Variants in ORC5 observed in about 807,000 individuals in gnomAD.
ORC5 encodes origin recognition complex subunit 5, also known as protein phosphatase 1, regulatory subunit 117.
A neutral mutation model predicts 58.8 loss-of-function variants in ORC5; 39 were observed. The ratio of observed to expected loss-of-function variants is 0.66; its 90% CI spans 0.51 to 0.87. ORC5 has a LOEUF of 0.87. Ranked by LOEUF, ORC5 falls within the 40% of genes least tolerant of loss-of-function variation. The pLI is 0.00. For synonymous variants in ORC5, 218 were observed against 177.6 expected, an observed-to-expected ratio of 1.23 and a Z score of -1.81; for missense variants, 493 against 506.3, an observed-to-expected ratio of 0.97 and a Z score of 0.25.
Position 104,133,561 on chromosome 7 carries a change from A to G in ORC5, c.1262+3220T>C, listed in dbSNP as rs531240592. On this transcript the variant is annotated intron_variant, in intron 13 of 13. Transcript: ENST00000297431. This position sits in a 1 kb window ranked among gnomAD's most constrained non-coding sequence, Gnocchi z 4.7. Reference sequence around the variant, plus strand: ...AGTTCAGTTTTGGAAATGTATTAATATAGCTGGGAAACAGCAATAAAGGTC... The same window carrying G: ...AGTTCAGTTTTGGAAATGTATTAATGTAGCTGGGAAACAGCAATAAAGGTC... Among the ~76,000 whole-genome samples, 80 of 152,264 alleles carry G rather than the reference A, an allele frequency of 5.3e-4. No individual in the cohort carries two copies. The highest frequency in any genetic ancestry group is 1.9e-3 in the African/African-American group (77 of 41,510).
Position 104,161,124 on chromosome 7 carries a change from A to C in ORC5, c.1097T>G (p.Leu366Ter), listed in dbSNP as rs779117988. The change falls in exon 12 of 14, where the codon TTA becomes TGA. Residue 366 changes from leucine to a stop codon, truncating the protein, a stop_gained. Coordinates refer to ENST00000297431, the MANE Select transcript of ORC5 (RefSeq NM_002553.4). LOFTEE classifies it high-confidence loss of function. ...PFPLDRLLAI[L>*]YSIVDSRVAP... ...AACTCTGCTGTCCACGATACTATAT[A>C]ATATTGCTAATAATCTGTCTAGTGG... is the stretch of plus-strand genomic sequence containing the variant. 4 of 1,611,246 alleles carry C rather than the reference A, an allele frequency of 2.5e-6. No homozygotes were observed. In the East Asian group the frequency reaches 8.9e-5, roughly 36 times the overall value.
intron 2 of ORC5, among the ~76,000 whole-genome samples, chr7:104,202,835 C>T (rs1014325946): frequency 1.3e-5 from 2 of 152,132 alleles, no homozygotes; most frequent in African/African-American, 4.8e-5. Flanking sequence ...AAATCTACAA[C>T]TTAATAAGCT....
intron 5 of ORC5, among the ~76,000 whole-genome samples, chr7:104,189,210 AAG>A (rs901134950): frequency 1.4e-4 from 21 of 152,094 alleles, no homozygotes; most frequent in Non-Finnish European, 2.6e-4. Context: ...TTACAAAGAA[AAG>A]AGGTTTAATT....
chr7:104,137,396 G>A (rs1798607645), intron 12 of ORC5, among the ~76,000 whole-genome samples: 3 of 152,108 alleles, frequency 2.0e-5, no homozygotes, highest in South Asian at 2.1e-4. Flanking sequence ...GGTGATACAG[G>A]AGGGGGGCAG....
At position 104,134,188 on chromosome 7, in the gene ORC5, G is replaced by A. The variant is rs779433999; in HGVS notation, c.1262+2593C>T. On this transcript the variant is annotated intron_variant, in intron 13 of 13. Transcript: ENST00000297431. ...TGTAATCCCAGGCCTTTGGGAGGCC[G>A]ATGCAGGCAGATCAACTTGAGGTCA... is the stretch of plus-strand genomic sequence containing the variant. 2.6e-4 allele frequency among the ~76,000 whole-genome samples: 39 copies of A among 151,936 alleles called. 1 individual carries two copies. The highest frequency in any genetic ancestry group is 7.7e-4 in the East Asian group (4 of 5,186).
At chr7:104,151,212 A>C (rs1798841617) in intron 12 of ORC5, among the ~76,000 whole-genome samples, 1 of 152,192 alleles carries the variant, frequency 6.6e-6, no homozygotes, top group African/African-American at 2.4e-5. Flanking sequence ...TCATCAAAAA[A>C]AAGTATAACC....
chr7:104,163,264 G>A (rs563252572), intron 11 of ORC5, among the ~76,000 whole-genome samples: 3 of 152,252 alleles, frequency 2.0e-5, no homozygotes, highest in East Asian at 3.9e-4. Flanking sequence ...TAGAGGTCAC[G>A]TAACTGGGTT....
At chr7:104,173,995 C>T (rs1584503714) in intron 8 of ORC5, among the ~76,000 whole-genome samples, 4 of 151,436 alleles carry the variant, frequency 2.6e-5, no homozygotes, top group Admixed American at 2.6e-4. Context: ...CAGGCGCCCG[C>T]CACTACGCCC....
intron 5 of ORC5, among the ~76,000 whole-genome samples, chr7:104,192,776 G>A (rs1260224324): frequency 6.6e-6 from 1 of 151,510 alleles, no homozygotes; most frequent in African/African-American, 2.4e-5. Context: ...ATGCTCATAT[G>A]CTCAAGGATA....
At chr7:104,158,260 A>T in intron 12 of ORC5, among the ~76,000 whole-genome samples, 1 of 152,158 alleles carries the variant, frequency 6.6e-6, no homozygotes, top group East Asian at 1.9e-4. Flanking sequence ...TGCTGGGAAA[A>T]CTGGCTAGCC....
In ORC5 at chr7:104,200,808, A is replaced by C. The variant is rs1468509301; in HGVS notation, c.316T>G (p.Phe106Val). The change falls in exon 3 of 14, where the codon TTT (phenylalanine) becomes GTT (valine). Residue 106 changes from phenylalanine (F) to valine (V), a missense_variant. By Grantham distance (50) the Phe-to-Val change is conservative. This residue lies in a region of ORC5 where 412 missense variants were observed against 403.7 expected (regional missense o/e 1.02). Transcript: ENST00000297431. ...CETFNDFVRL[F>V]KQVTTAENLK... is the part of the protein sequence containing the mutation. Reference sequence around the variant, plus strand: ...TTTTCAGCTGTGGTTACTTGTTTAAACAAGCGAACAAAGTCATTAAATGTT... The same window carrying C: ...TTTTCAGCTGTGGTTACTTGTTTAACCAAGCGAACAAAGTCATTAAATGTT... 6.2e-7 allele frequency: 1 copy of C among 1,612,806 alleles called. No homozygotes were observed. The highest frequency in any genetic ancestry group is 8.5e-7 in the Non-Finnish European group (1 of 1,178,902).
At chr7:104,168,353 A>C in intron 9 of ORC5, 120 bp downstream of exon 9, 1 of 1,441,230 alleles carries the variant, frequency 6.9e-7, no homozygotes, top group Non-Finnish European at 9.3e-7. Context: ...ATAGCTTGAA[A>C]AGTAAATTCT....
chr7:104,146,770 T>C (rs1005658909), intron 12 of ORC5, among the ~76,000 whole-genome samples: 8 of 152,154 alleles, frequency 5.3e-5, no homozygotes, highest in African/African-American at 1.9e-4. Context: ...AAATTTCATA[T>C]AACCAAATAT....
At chr7:104,183,894 T>C (rs1237224616) in intron 8 of ORC5, 49 bp downstream of exon 8, 2 of 1,206,364 alleles carry the variant, frequency 1.7e-6, no homozygotes, top group Non-Finnish European at 2.4e-6. Flanking sequence ...AGAGTATATA[T>C]CCCAAATAAA....
At chr7:104,128,444 C>T (rs1316822226) in intron 13 of ORC5, among the ~76,000 whole-genome samples, 9 of 151,992 alleles carry the variant, frequency 5.9e-5, no homozygotes, top group African/African-American at 1.2e-4. Context: ...TTTAAAAAAT[C>T]GTGATACTGA....
At position 104,186,558 on chromosome 7, in the gene ORC5, T is replaced by C. The variant is rs527425169; in HGVS notation, c.684+1693A>G. ...TACTTCATTTTCTCCTATCTTAAGC[T>C]ACCTATAGAACTAGCCTCTGAAAAA... On this transcript the variant is annotated intron_variant, in intron 6 of 13. Transcript: ENST00000297431. 2.5e-3 allele frequency among the ~76,000 whole-genome samples: 378 copies of C among 152,286 alleles called. 1 individual carries two copies. Among genetic ancestry groups the C allele is most frequent in the Non-Finnish European group, 4.3e-3 (295 of 68,012 alleles).
intron 9 of ORC5, among the ~76,000 whole-genome samples, chr7:104,167,799 G>A (rs573901010): frequency 2.6e-5 from 4 of 152,224 alleles, no homozygotes; most frequent in African/African-American, 7.2e-5. Flanking sequence ...AGAAAGTAGT[G>A]CAAATCAATT....
chr7:104,185,277 A>G (rs1178026639), intron 6 of ORC5, among the ~76,000 whole-genome samples: 1 of 152,038 alleles, frequency 6.6e-6, no homozygotes, highest in Non-Finnish European at 1.5e-5. Context: ...TAAAAAATAA[A>G]TTTGTATGCC....
At chr7:104,149,884 C>T (rs988170439) in intron 12 of ORC5, among the ~76,000 whole-genome samples, 1 of 152,112 alleles carries the variant, frequency 6.6e-6, no homozygotes, top group East Asian at 1.9e-4. Flanking sequence ...AATAAAAAAA[C>T]AAAAATCTCT....
Sources: gnomAD v4.1 joint callset for allele counts (sites outside exome capture counted in the v4.1 genomes callset) on GRCh38, gnomAD v4.1.1 for gene constraint, gnomAD v4.1.1 regional missense constraint, Gnocchi (gnomAD v3.1) non-coding constraint, MANE v1.5 for transcripts, NCBI Gene and HGNC (gene_info 2026-07-23, HGNC 2026-07-21) for gene names.